BRD10: variants seen among roughly 807,000 people sequenced by gnomAD.
The protein encoded by BRD10 is uncharacterized bromodomain-containing protein 10.
At chr9:5,895,565 C>A in the BRD10 span, among the ~76,000 whole-genome samples, 8 of 152,116 alleles carry the variant, frequency 5.3e-5, no homozygotes, top group Non-Finnish European at 1.5e-5. Context: ...GACTACATAC[C>A]TGCTTTGGGT....
At chr9:5,896,636 A>G in the BRD10 span, among the ~76,000 whole-genome samples, 1 of 152,202 alleles carries the variant, frequency 6.6e-6, no homozygotes. Context: ...CAGATAACAG[A>G]GTCAGTTCTG....
chr9:5,994,006 T>C, the BRD10 span, among the ~76,000 whole-genome samples: 1 of 152,106 alleles, frequency 6.6e-6, no homozygotes, highest in African/African-American at 2.4e-5. Flanking sequence ...TACATTTATG[T>C]ATCTTTACAA....
At chr9:5,996,988 C>A in the BRD10 span, among the ~76,000 whole-genome samples, 1 of 152,178 alleles carries the variant, frequency 6.6e-6, no homozygotes, top group Non-Finnish European at 1.5e-5. Flanking sequence ...GGCTTCCTGT[C>A]CCTGGCCAAC....
At chr9:5,932,254 G>T in the BRD10 span, among the ~76,000 whole-genome samples, 1 of 151,874 alleles carries the variant, frequency 6.6e-6, no homozygotes, top group East Asian at 1.9e-4. Flanking sequence ...CATATACACG[G>T]ACAAGGGAAA....
chr9:5,905,827 C>G, the BRD10 span, among the ~76,000 whole-genome samples: 1 of 152,216 alleles, frequency 6.6e-6, no homozygotes, highest in Non-Finnish European at 1.5e-5. Context: ...CCAACCACCT[C>G]AGGCACACTT....
the BRD10 span, among the ~76,000 whole-genome samples, chr9:6,006,676 A>C: frequency 2.6e-5 from 4 of 152,224 alleles, no homozygotes; most frequent in African/African-American, 4.8e-5. Flanking sequence ...AGTAGTATGC[A>C]AAAGTAACCA....
At chr9:5,990,016 T>C in the BRD10 span, among the ~76,000 whole-genome samples, 1 of 152,246 alleles carries the variant, frequency 6.6e-6, no homozygotes, top group South Asian at 2.1e-4. Context: ...GTGTTTTCTC[T>C]GTTATACGGT....
the BRD10 span, among the ~76,000 whole-genome samples, chr9:5,998,306 A>T: frequency 6.6e-6 from 1 of 152,084 alleles, no homozygotes; most frequent in Admixed American, 6.5e-5. Context: ...TTAATAAACT[A>T]TTACGAATAT....
At chr9:5,999,823 T>G in the BRD10 span, among the ~76,000 whole-genome samples, 1 of 151,924 alleles carries the variant, frequency 6.6e-6, no homozygotes, top group African/African-American at 2.4e-5. Context: ...CTCCCTATAG[T>G]GCCTATCAAA....
chr9:6,007,672 G>A, the BRD10 span: 2 of 1,608,772 alleles, frequency 1.2e-6, no homozygotes, highest in East Asian at 2.2e-5. Flanking sequence ...GGCCGGCCCT[G>A]AGGTCTGGGC....
At chr9:6,006,743 T>C in the BRD10 span, among the ~76,000 whole-genome samples, 14 of 152,252 alleles carry the variant, frequency 9.2e-5, no homozygotes, top group Non-Finnish European at 2.1e-4. Context: ...TAGTAAATGA[T>C]AAAATTATTT....
At chr9:5,968,564 T>C in the BRD10 span, 11 of 1,613,934 alleles carry the variant, frequency 6.8e-6, no homozygotes, top group South Asian at 1.2e-4. Context: ...GATGTCATGA[T>C]TATCCAAGAT....
chr9:5,888,823 T>G, the BRD10 span, among the ~76,000 whole-genome samples: 3 of 152,384 alleles, frequency 2.0e-5, no homozygotes, highest in African/African-American at 7.2e-5. Context: ...GGTTGCTTCA[T>G]GAGCTGAGTG....
chr9:5,975,719 A>G, the BRD10 span, among the ~76,000 whole-genome samples: 2 of 152,164 alleles, frequency 1.3e-5, no homozygotes, highest in African/African-American at 4.8e-5. Context: ...ATACTTCTAT[A>G]GTATATACTT....
chr9:5,982,492 G>C, the BRD10 span, among the ~76,000 whole-genome samples: 6 of 152,122 alleles, frequency 3.9e-5, no homozygotes, highest in South Asian at 2.1e-4. Flanking sequence ...GGATTAATGA[G>C]GTATCATGGG....
At chr9:5,889,206 A>G in the BRD10 span, among the ~76,000 whole-genome samples, 1 of 152,210 alleles carries the variant, frequency 6.6e-6, no homozygotes, top group Admixed American at 6.5e-5. Flanking sequence ...ACAGCACCTA[A>G]CCACATGTCA....
the BRD10 span, chr9:5,919,969 A>C: frequency 3.7e-6 from 6 of 1,613,906 alleles, no homozygotes; most frequent in African/African-American, 6.7e-5. Flanking sequence ...GAGTAGCTGG[A>C]GACTTAATTA....
chr9:5,939,125 G>C, the BRD10 span, among the ~76,000 whole-genome samples: 1 of 152,010 alleles, frequency 6.6e-6, no homozygotes, highest in African/African-American at 2.4e-5. Context: ...ACAGGTGTTA[G>C]AAAATAAGAT....
chr9:5,887,430 G>A, the BRD10 span, among the ~76,000 whole-genome samples: 1 of 152,166 alleles, frequency 6.6e-6, no homozygotes, highest in Admixed American at 6.5e-5. Flanking sequence ...CAATCCCCAA[G>A]TCAGCTCACA....
Sources: gnomAD v4.1 joint callset for allele counts (sites outside exome capture counted in the v4.1 genomes callset) on GRCh38, gnomAD v4.1.1 for gene constraint, MANE v1.5 for transcripts, NCBI Gene and HGNC (gene_info 2026-07-23, HGNC 2026-07-21) for gene names.